Variants in CCDC146 observed in about 807,000 individuals in gnomAD.
CCDC146 encodes the protein coiled-coil domain containing 146, also known as coiled-coil domain-containing protein 146.
In CCDC146, 92 loss-of-function variants were observed where a neutral mutation model predicts 119.3. The observed-to-expected ratio is 0.77, with a 90% CI of 0.65 to 0.92. CCDC146 has a LOEUF of 0.92. Among genes scored for constraint, CCDC146 ranks in the 40% least tolerant of loss-of-function variants. CCDC146 has a pLI of 0.00. For missense variants in CCDC146, 1,000 were observed against 1,103.0 expected, an observed-to-expected ratio of 0.91 and a Z score of 1.32; for synonymous variants, 372 against 371.8, an observed-to-expected ratio of 1.00 and a Z score of -0.01.
At chr7:77,218,615 C>CTT (rs569678543) in intron 2 of CCDC146, among the ~76,000 whole-genome samples, 10,133 of 142,488 alleles carry the variant, frequency 0.071, 500 homozygotes, top group Non-Finnish European at 0.1. Flanking sequence ...TACCAATTCT[C>CTT]TTTTTTTTTT....
intron 9 of CCDC146, among the ~76,000 whole-genome samples, chr7:77,264,133 T>G (rs1421914826): frequency 6.6e-6 from 1 of 152,210 alleles, no homozygotes; most frequent in Non-Finnish European, 1.5e-5. Context: ...TGTATCACTC[T>G]GAAATCTCTT....
intron 1 of CCDC146, among the ~76,000 whole-genome samples, chr7:77,148,965 A>G (rs1791066906): frequency 6.6e-6 from 1 of 152,228 alleles, no homozygotes; most frequent in South Asian, 2.1e-4. Flanking sequence ...TCTTCACAGA[A>G]TTAGAAAAAA....
Position 77,278,936 on chromosome 7 carries a change from G to T in CCDC146, c.1530-1G>T. The stretch of plus-strand genomic sequence containing the variant: ...TCAGTAAACACTTTGTATTTTTACA[G>T]ACTGAGAGAGTTTGCTAAACTGTAT... On this transcript the variant is annotated splice_acceptor_variant, in intron 12 of 18. Transcript: ENST00000285871. LOFTEE classifies it high-confidence loss of function. 1.2e-6 allele frequency: 2 copies of T among 1,608,138 alleles called. No homozygotes were observed. The highest frequency in any genetic ancestry group is 1.1e-5 in the South Asian group (1 of 89,536).
At chr7:77,250,054 C>T (rs535044741) in intron 4 of CCDC146, among the ~76,000 whole-genome samples, 1 of 152,298 alleles carries the variant, frequency 6.6e-6, no homozygotes, top group South Asian at 2.1e-4. Flanking sequence ...TCAAATAACA[C>T]TATACCACTT....
chr7:77,203,753 T>C (rs1455392837), intron 2 of CCDC146, among the ~76,000 whole-genome samples: 2 of 152,332 alleles, frequency 1.3e-5, no homozygotes, highest in Admixed American at 6.5e-5. Flanking sequence ...CTTACTACCC[T>C]GAATCTGTCC....
At chr7:77,179,517 T>C (rs1459373231) in intron 2 of CCDC146, among the ~76,000 whole-genome samples, 1 of 152,196 alleles carries the variant, frequency 6.6e-6, no homozygotes, top group African/African-American at 2.4e-5. Context: ...GTATAGTATT[T>C]CAAGGCATGA....
At chr7:77,176,977 C>A (rs191570018) in intron 2 of CCDC146, among the ~76,000 whole-genome samples, 1 of 151,934 alleles carries the variant, frequency 6.6e-6, no homozygotes, top group East Asian at 1.9e-4. Flanking sequence ...CTGGGACCAC[C>A]GACACATAAC....
intron 1 of CCDC146, among the ~76,000 whole-genome samples, chr7:77,140,670 C>G (rs1790919696): frequency 6.6e-6 from 1 of 152,058 alleles, no homozygotes; most frequent in African/African-American, 2.4e-5. Context: ...AGGACGCATT[C>G]AGTCAATAGC....
intron 2 of CCDC146, chr7:77,199,067 TA>T: frequency 2.2e-6 from 2 of 911,444 alleles, no homozygotes; most frequent in Non-Finnish European, 3.4e-6. Flanking sequence ...CCTTGATAAA[TA>T]AAAGACTTAA....
intron 17 of CCDC146, among the ~76,000 whole-genome samples, chr7:77,292,019 G>A (rs1793953359): frequency 6.6e-6 from 1 of 152,150 alleles, no homozygotes; most frequent in Non-Finnish European, 1.5e-5. Context: ...CTCTTGGCTG[G>A]GCACAGTGGA....
chr7:77,160,319 G>A (rs1206048198), intron 1 of CCDC146, among the ~76,000 whole-genome samples: 4 of 152,198 alleles, frequency 2.6e-5, no homozygotes, highest in Non-Finnish European at 4.4e-5. Context: ...GTAATTGGTA[G>A]CTTGATGGGG....
chr7:77,148,538 A>G (rs1791059201), intron 1 of CCDC146, among the ~76,000 whole-genome samples: 2 of 151,826 alleles, frequency 1.3e-5, no homozygotes, highest in South Asian at 2.1e-4. Flanking sequence ...GTTCCTATTC[A>G]GCCATCTTGG....
chr7:77,293,399 A>G (rs1793986869), intron 18 of CCDC146, among the ~76,000 whole-genome samples, 199 bp downstream of exon 18: 2 of 152,238 alleles, frequency 1.3e-5, no homozygotes, highest in African/African-American at 4.8e-5. Context: ...CTCACTGAAG[A>G]ACACTTAGCA....
At chr7:77,217,526 A>G (rs1200469422) in intron 2 of CCDC146, among the ~76,000 whole-genome samples, 3 of 151,500 alleles carry the variant, frequency 2.0e-5, no homozygotes, top group African/African-American at 7.3e-5. Context: ...TTTTCTACAT[A>G]TATATCCCTG....
At chr7:77,273,559 C>T (rs1323494872) in intron 9 of CCDC146, 135 bp from the exon 10 acceptor site, 2 of 418,396 alleles carry the variant, frequency 4.8e-6, no homozygotes, top group Non-Finnish European at 8.7e-6. Context: ...CTCACTCTGT[C>T]ACCCAGGCTG....
chr7:77,199,745 A>G, intron 2 of CCDC146: 1 of 1,614,102 alleles, frequency 6.2e-7, no homozygotes. Flanking sequence ...AAAAAACCGT[A>G]AGTGGCAAGA....
rs765925801 is a variant in CCDC146, at chr7:77,279,013, C to T, written c.1606C>T (p.His536Tyr). 2.5e-6 allele frequency: 4 copies of T among 1,612,060 alleles called. No individual in the cohort carries two copies. Among genetic ancestry groups the T allele is most frequent in the Non-Finnish European group, 2.5e-6 (3 of 1,179,104 alleles). ...ATTTGTTAACTTACTCCACAAAGCT[C>T]ATCAGAAAGTAAATGAAATAAAAGA... The part of the protein sequence containing the change: ...NKFVNLLHKA[H>Y]QKVNEIKERH... The change falls in exon 13 of 19, where the codon CAT becomes TAT. Residue 536 changes from histidine to tyrosine, a missense_variant. By Grantham distance (83) the His-to-Tyr change is moderately conservative. This residue lies in a region of CCDC146 where 985 missense variants were observed against 1,045.3 expected (regional missense o/e 0.94). Coordinates refer to ENST00000285871, the MANE Select transcript of CCDC146 (RefSeq NM_020879.3).
chr7:77,190,951 G>C (rs1791752464), intron 2 of CCDC146, among the ~76,000 whole-genome samples: 1 of 152,042 alleles, frequency 6.6e-6, no homozygotes, highest in Non-Finnish European at 1.5e-5. Flanking sequence ...GAATTCAGTA[G>C]GGTGGAACAA....
chr7:77,251,337 A>ATTATT (rs1289510800), intron 4 of CCDC146, among the ~76,000 whole-genome samples: 20 of 151,728 alleles, frequency 1.3e-4, no homozygotes. Flanking sequence ...TTTCTTTTTT[A>ATTATT]TTATTTCTTA....
Sources: allele counts gnomAD v4.1 joint callset (sites outside exome capture counted in the v4.1 genomes callset), GRCh38; gene constraint gnomAD v4.1.1; regional missense constraint gnomAD v4.1.1; transcripts MANE v1.5; gene names NCBI Gene and HGNC (gene_info 2026-07-23, HGNC 2026-07-21).